CADPS2: variants seen among roughly 807,000 people sequenced by gnomAD.
CADPS2 encodes calcium dependent secretion activator 2, also known as calcium-dependent secretion activator 2.
Under a neutral mutation model 172.5 loss-of-function variants are expected in CADPS2, and 93 were observed. That is an observed-to-expected ratio of 0.54 (90% CI 0.46 to 0.64). The LOEUF is 0.64. Ranked by LOEUF, CADPS2 falls within the 30% of genes least tolerant of loss-of-function variation. CADPS2 has a pLI of 0.00. For synonymous variants in CADPS2, 546 were observed against 555.2 expected (o/e 0.98, Z 0.23); for missense variants, 1,420 against 1,565.9 (o/e 0.91, Z 1.57).
intron 5 of CADPS2, among the ~76,000 whole-genome samples, 154 bp downstream of exon 5, chr7:122,621,327 T>C (rs2075587831): frequency 6.6e-6 from 1 of 152,208 alleles, no homozygotes. Context: ...CATTTGCATA[T>C]ATAAGCTGAG....
chr7:122,457,647 C>T (rs2053949407), intron 14 of CADPS2, among the ~76,000 whole-genome samples: 1 of 152,216 alleles, frequency 6.6e-6, no homozygotes, highest in Non-Finnish European at 1.5e-5. Context: ...TATTTAGTCA[C>T]ATCTGCCCAC....
intron 9 of CADPS2, among the ~76,000 whole-genome samples, chr7:122,499,107 A>T (rs896787451): frequency 8.5e-5 from 13 of 152,250 alleles, no homozygotes; most frequent in Admixed American, 5.2e-4. Flanking sequence ...TTTAAGTACA[A>T]GCTAACAGTT....
chr7:122,577,222 C>A (rs1033428980), intron 7 of CADPS2, among the ~76,000 whole-genome samples: 2 of 152,038 alleles, frequency 1.3e-5, no homozygotes, highest in African/African-American at 4.8e-5. Flanking sequence ...TCATAAAATA[C>A]CTAGCCTTAG....
intron 2 of CADPS2, among the ~76,000 whole-genome samples, chr7:122,710,533 C>T (rs866893088): frequency 6.6e-6 from 1 of 152,060 alleles, no homozygotes; most frequent in African/African-American, 2.4e-5. Flanking sequence ...GCCTCTAGGG[C>T]CTTGATGAGT....
intron 25 of CADPS2, chr7:122,366,737 A>ACACAATACAATTGTCTCTTT (rs2040967216): frequency 6.7e-6 from 1 of 150,320 alleles, no homozygotes; most frequent in African/African-American, 2.4e-5. Context: ...ATGTATAATA[A>ACACAATACAATTGTCTCTTT]CACAATACAA....
chr7:122,507,666 G>A (rs1386328424), intron 9 of CADPS2, among the ~76,000 whole-genome samples: 1 of 152,174 alleles, frequency 6.6e-6, no homozygotes, highest in Non-Finnish European at 1.5e-5. Context: ...CATAATGTGA[G>A]TTATGCTTTA....
intron 6 of CADPS2, among the ~76,000 whole-genome samples, chr7:122,606,767 C>T (rs145354418): frequency 5.9e-5 from 9 of 152,186 alleles, no homozygotes; most frequent in Middle Eastern, 3.4e-3. Flanking sequence ...GTATAATACA[C>T]AGCCCTTGTC....
At chr7:122,860,163 A>T (rs1483079900) in intron 1 of CADPS2, among the ~76,000 whole-genome samples, 1 of 152,170 alleles carries the variant, frequency 6.6e-6, no homozygotes, top group Non-Finnish European at 1.5e-5. Flanking sequence ...TTCACAAAAA[A>T]TAAGAGACTA....
intron 9 of CADPS2, among the ~76,000 whole-genome samples, chr7:122,504,342 CTT>C (rs1003309280): frequency 4.5e-4 from 68 of 152,158 alleles, no homozygotes; most frequent in Admixed American, 1.2e-3. Flanking sequence ...TCACTTTATT[CTT>C]TTTGAGTCTT....
At chr7:122,393,130 C>T (rs1220204165) in intron 22 of CADPS2, 66 bp downstream of exon 22, 52 of 1,575,136 alleles carry the variant, frequency 3.3e-5, no homozygotes, top group Middle Eastern at 1.7e-4. Flanking sequence ...AACACATCTG[C>T]GCAGAACACA....
chr7:122,642,279 CAAAAA>C (rs11370822), intron 3 of CADPS2, among the ~76,000 whole-genome samples: 1 of 124,856 alleles, frequency 8.0e-6, no homozygotes, highest in South Asian at 2.7e-4. Context: ...GACTCCATCT[CAAAAA>C]AAAAAAAAAA....
intron 1 of CADPS2, among the ~76,000 whole-genome samples, chr7:122,855,857 A>C (rs529417171): frequency 3.9e-5 from 6 of 152,236 alleles, no homozygotes; most frequent in African/African-American, 1.4e-4. Context: ...TGGTGACTTA[A>C]CTCTCATTCC....
intron 2 of CADPS2, among the ~76,000 whole-genome samples, chr7:122,734,067 G>T (rs192217185): frequency 6.6e-6 from 1 of 151,860 alleles, no homozygotes; most frequent in African/African-American, 2.4e-5. Flanking sequence ...TATTCAACAG[G>T]TCTTGTATGG....
intron 3 of CADPS2, among the ~76,000 whole-genome samples, chr7:122,660,385 A>G (rs1430330784): frequency 2.6e-5 from 4 of 152,140 alleles, no homozygotes; most frequent in Non-Finnish European, 5.9e-5. Context: ...TTTTTTAAAA[A>G]AATGTATAAG....
chr7:122,562,885 T>A (rs1044452534), intron 7 of CADPS2, among the ~76,000 whole-genome samples: 5 of 152,116 alleles, frequency 3.3e-5, no homozygotes, highest in African/African-American at 1.2e-4. Context: ...AACTGAAAAA[T>A]TTTTTTAAAG....
intron 14 of CADPS2, among the ~76,000 whole-genome samples, chr7:122,463,459 C>A (rs1055011524): frequency 6.6e-6 from 1 of 151,972 alleles, no homozygotes; most frequent in Admixed American, 6.6e-5. Flanking sequence ...TATTTTAAAA[C>A]GTACTTATAA....
chr7:122,707,100 C>CAGTT (rs2087693715), intron 2 of CADPS2, among the ~76,000 whole-genome samples: 1 of 151,780 alleles, frequency 6.6e-6, no homozygotes, highest in South Asian at 2.1e-4. Flanking sequence ...GGCACAATGG[C>CAGTT]AGTTACAGGC....
intron 8 of CADPS2, among the ~76,000 whole-genome samples, chr7:122,527,607 A>AGG (rs1563601116): frequency 8.1e-6 from 1 of 123,462 alleles, no homozygotes; most frequent in Non-Finnish European, 1.8e-5. Context: ...AGAGAGAGAG[A>AGG]GAGAGAGAGA....
At chr7:122,867,114 T>C (rs962866501) in intron 1 of CADPS2, among the ~76,000 whole-genome samples, 1 of 152,170 alleles carries the variant, frequency 6.6e-6, no homozygotes, top group Non-Finnish European at 1.5e-5. Context: ...TACCTGCTTC[T>C]ACAAGAGGCT....
Sources: allele counts gnomAD v4.1 joint callset (sites outside exome capture counted in the v4.1 genomes callset), GRCh38; gene constraint gnomAD v4.1.1; transcripts MANE v1.5; gene names NCBI Gene and HGNC (gene_info 2026-07-23, HGNC 2026-07-21).